PVT1: variants seen among roughly 807,000 people sequenced by gnomAD.
The protein encoded by PVT1 is CXCR4/PVT1 fusion.
At chr8:127,983,771 G>T (rs1308771050) in intron 3 of PVT1, 1 of 151,790 alleles carries the variant, frequency 6.6e-6, no homozygotes, top group Non-Finnish European at 1.5e-5. Flanking sequence ...CACACAATTT[G>T]ATCAGTAGTC....
At chr8:127,862,890 G>A (rs1207190506) in intron 2 of PVT1, among the ~76,000 whole-genome samples, 1 of 152,054 alleles carries the variant, frequency 6.6e-6, no homozygotes, top group Non-Finnish European at 1.5e-5. Flanking sequence ...ATTAACTTGT[G>A]AATTTTGCAG....
At chr8:127,935,326 A>G (rs752485319) in intron 3 of PVT1, among the ~76,000 whole-genome samples, 4 of 151,588 alleles carry the variant, frequency 2.6e-5, no homozygotes, top group Non-Finnish European at 4.4e-5. Context: ...AACATAATCT[A>G]TATGCTGGCT....
At chr8:128,058,938 G>C (rs1010337126) in intron 4 of PVT1, among the ~76,000 whole-genome samples, 1 of 152,170 alleles carries the variant, frequency 6.6e-6, no homozygotes, top group African/African-American at 2.4e-5. Flanking sequence ...CCCTTCTTTA[G>C]AGGGTCTCCT....
intron 2 of PVT1, among the ~76,000 whole-genome samples, chr8:127,865,129 TGG>T (rs1326127010): frequency 2.0e-5 from 3 of 152,168 alleles, no homozygotes; most frequent in African/African-American, 7.2e-5. Flanking sequence ...CATCCTGAAG[TGG>T]GCACCACATT....
chr8:127,961,197 A>C (rs1297820407), intron 3 of PVT1, among the ~76,000 whole-genome samples: 1 of 152,206 alleles, frequency 6.6e-6, no homozygotes, highest in Non-Finnish European at 1.5e-5. Flanking sequence ...CATGATGCAG[A>C]TTTTAAGCAG....
At chr8:127,889,030 CTCTT>C (rs147377379) in intron 2 of PVT1, among the ~76,000 whole-genome samples, 14,118 of 89,798 alleles carry the variant, frequency 0.16, 1,583 homozygotes, top group South Asian at 0.19. Flanking sequence ...TTTCCTTTCT[CTCTT>C]TCTTTCTTCC....
intron 3 of PVT1, among the ~76,000 whole-genome samples, chr8:127,951,128 C>T (rs770307371): frequency 6.6e-6 from 1 of 152,132 alleles, no homozygotes; most frequent in Non-Finnish European, 1.5e-5. Context: ...GAACTCTTGA[C>T]CTCATGATCC....
chr8:128,061,853 A>G (rs2648880), intron 4 of PVT1, among the ~76,000 whole-genome samples: 58,376 of 152,128 alleles, frequency 0.38, 13,302 homozygotes, highest in East Asian at 0.65. Flanking sequence ...GTTTATTTAC[A>G]AATTGAGCAT....
chr8:127,947,182 T>C (rs1177682720), intron 3 of PVT1: 1 of 153,524 alleles, frequency 6.5e-6, no homozygotes, highest in Non-Finnish European at 1.5e-5. Context: ...CACGAGGAAA[T>C]GGAGGCTCAG....
chr8:127,879,953 C>G (rs979673564), intron 2 of PVT1, among the ~76,000 whole-genome samples: 2 of 152,194 alleles, frequency 1.3e-5, no homozygotes, highest in African/African-American at 4.8e-5. Flanking sequence ...CTTCTCCAGG[C>G]CTTACTTCTC....
intron 4 of PVT1, among the ~76,000 whole-genome samples, chr8:128,005,079 G>A (rs529975622): frequency 6.6e-6 from 1 of 152,110 alleles, no homozygotes; most frequent in Non-Finnish European, 1.5e-5. Context: ...GGTGGAGGTT[G>A]CAGTGAGCGG....
chr8:128,087,770 T>TTTG (rs370583568), intron 5 of PVT1, among the ~76,000 whole-genome samples: 18,677 of 113,464 alleles, frequency 0.16, 1,625 homozygotes, highest in Non-Finnish European at 0.23. Context: ...TTTTTTTTTT[T>TTTG]GAGATGGAGT....
At chr8:127,816,159 A>G (rs538544916) in intron 2 of PVT1, among the ~76,000 whole-genome samples, 2 of 152,290 alleles carry the variant, frequency 1.3e-5, no homozygotes, top group Admixed American at 6.5e-5. Context: ...CCTACAGGCC[A>G]GTTGGGAGGC....
chr8:127,896,776 C>G (rs932005732), intron 3 of PVT1, among the ~76,000 whole-genome samples: 10 of 127,346 alleles, frequency 7.9e-5, no homozygotes, highest in African/African-American at 2.0e-4. Flanking sequence ...GCCTTTCCTC[C>G]CCCCCCCCGC....
At chr8:127,955,252 G>A (rs1816554738) in intron 3 of PVT1, among the ~76,000 whole-genome samples, 1 of 152,198 alleles carries the variant, frequency 6.6e-6, no homozygotes, top group Admixed American at 6.5e-5. Context: ...ACAGCCATCT[G>A]CAAGCCAAAG....
At chr8:128,004,822 A>G (rs1301684136) in intron 4 of PVT1, among the ~76,000 whole-genome samples, 1 of 152,228 alleles carries the variant, frequency 6.6e-6, no homozygotes, top group African/African-American at 2.4e-5. Flanking sequence ...CGAAGTCCAC[A>G]TAAAGTGACA....
chr8:128,056,257 G>A (rs60038497), intron 4 of PVT1, among the ~76,000 whole-genome samples: 34,517 of 152,100 alleles, frequency 0.23, 4,068 homozygotes, highest in South Asian at 0.37. Context: ...GAACTTGTGT[G>A]AGGATTAATT....
intron 3 of PVT1, among the ~76,000 whole-genome samples, chr8:127,909,203 T>C (rs1298093971): frequency 6.6e-6 from 1 of 152,200 alleles, no homozygotes; most frequent in Non-Finnish European, 1.5e-5. Context: ...TAAAGGGAAA[T>C]GGGTCACGCA....
chr8:128,021,267 A>G lies in PVT1; in HGVS notation n.912+31976A>G, dbSNP rs1401181193. On this transcript the variant is annotated intron_variant and non_coding_transcript_variant, in intron 4 of 10. Transcript: ENST00000651587. ...CTGGGGACAGGGGCATTGCCTCTCC[A>G]GTCCGATTCCCCAGGACTTGTGCTT... 9.2e-5 allele frequency among the ~76,000 whole-genome samples: 13 copies of G among 141,200 alleles called. No individual in the cohort carries two copies. In the Admixed American group the frequency reaches 9.4e-4, roughly 10 times the overall value. 92.6% of individuals were successfully genotyped at this position (141,200 alleles called of 152,430 possible). A position where few individuals can be genotyped will look rare whatever the true frequency, so the allele number is the denominator to read the frequency against.
Sources: gnomAD v4.1 joint callset for allele counts (sites outside exome capture counted in the v4.1 genomes callset) on GRCh38, gnomAD v4.1.1 for gene constraint, MANE v1.5 for transcripts, NCBI Gene and HGNC (gene_info 2026-07-23, HGNC 2026-07-21) for gene names.